The following ZNF385D variants were observed in gnomAD, a reference collection of about 807,000 sequenced individuals.
ZNF385D encodes the protein zinc finger protein 385D, also known as zinc finger protein 659.
In ZNF385D, 15 loss-of-function variants were observed where a neutral mutation model predicts 35.8. The observed-to-expected ratio is 0.42, with a 90% CI of 0.28 to 0.64. ZNF385D has a LOEUF of 0.64. ZNF385D is among the 30% of genes least tolerant of loss of function. ZNF385D has a pLI of 0.23. For synonymous variants in ZNF385D, 212 were observed against 186.8 expected (o/e 1.13, Z -1.10); for missense variants, 474 against 494.6 (o/e 0.96, Z 0.39).
At chr3:22,040,770 G>C (rs562495301) in intron 3 of ZNF385D, among the ~76,000 whole-genome samples, 2 of 152,192 alleles carry the variant, frequency 1.3e-5, no homozygotes, top group East Asian at 3.9e-4. Flanking sequence ...AAGGCTGATA[G>C]AATCAGAATT....
chr3:22,001,207 A>G (rs769609888), intron 3 of ZNF385D, among the ~76,000 whole-genome samples: 1 of 152,122 alleles, frequency 6.6e-6, no homozygotes, highest in African/African-American at 2.4e-5. Context: ...GATTAGCTGA[A>G]AGGATTTTTT....
At chr3:22,027,260 G>A (rs1365202649) in intron 3 of ZNF385D, among the ~76,000 whole-genome samples, 1 of 152,318 alleles carries the variant, frequency 6.6e-6, no homozygotes, top group East Asian at 1.9e-4. Flanking sequence ...TCATTTGGGT[G>A]TGCTACTCTG....
In ZNF385D at chr3:22,318,767, A is replaced by G. The variant is rs572931240; in HGVS notation, c.106+53683T>C. On this transcript the variant is annotated intron_variant, in intron 2 of 5. Transcript: ENST00000494108. The stretch of plus-strand genomic sequence containing the variant: ...GAGTATACTGGAATGAACAATGTAG[A>G]AGTAATTAAGTACTGTGTATAAAAC... 1.7e-4 allele frequency among the ~76,000 whole-genome samples: 26 copies of G among 152,328 alleles called. No homozygotes were observed. In the South Asian group the frequency reaches 1.9e-3, roughly 11 times the overall value.
chr3:22,007,061 A>G (rs1006808314), intron 3 of ZNF385D, among the ~76,000 whole-genome samples: 8 of 152,160 alleles, frequency 5.3e-5, no homozygotes, highest in Non-Finnish European at 1.0e-4. Flanking sequence ...ACTCTCACTT[A>G]TTAATATTTT....
intron 2 of ZNF385D, among the ~76,000 whole-genome samples, chr3:22,311,329 T>C (rs922341799): frequency 2.0e-5 from 3 of 152,056 alleles, no homozygotes; most frequent in South Asian, 2.1e-4. Flanking sequence ...TGTGATTCTT[T>C]TTCTCTCCTT....
At chr3:22,298,469 T>TACATAAAACATTTATATATAATATATAA (rs1702722338) in intron 2 of ZNF385D, among the ~76,000 whole-genome samples, 1 of 64,352 alleles carries the variant, frequency 1.6e-5, no homozygotes, top group Non-Finnish European at 3.9e-5. Context: ...AATATATAAA[T>TACATAAAACATTTATATATAATATATAA]ATACATAAAA....
At chr3:21,579,616 T>C (rs2063593374) in intron 2 of ZNF385D, 1 of 152,188 alleles carries the variant, frequency 6.6e-6, no homozygotes. Context: ...AATATTTTAA[T>C]GTGTTTTCTA....
chr3:22,282,691 T>C (rs1302604630), intron 2 of ZNF385D, among the ~76,000 whole-genome samples: 6 of 151,878 alleles, frequency 4.0e-5, no homozygotes, highest in Admixed American at 3.3e-4. Context: ...TGTTGATGAA[T>C]AGAATGTAAA....
intron 4 of ZNF385D, among the ~76,000 whole-genome samples, chr3:21,456,670 T>G (rs190485506): frequency 2.0e-5 from 3 of 152,116 alleles, no homozygotes; most frequent in Non-Finnish European, 2.9e-5. Context: ...CACCAACATG[T>G]CACATGTATA....
At chr3:21,650,798 A>G (rs572670633) in intron 2 of ZNF385D, among the ~76,000 whole-genome samples, 1 of 152,294 alleles carries the variant, frequency 6.6e-6, no homozygotes, top group South Asian at 2.1e-4. Context: ...ACAGTTTCTG[A>G]GACCAGTGTG....
At chr3:21,914,120 G>A (rs938316014) in intron 3 of ZNF385D, among the ~76,000 whole-genome samples, 3 of 151,914 alleles carry the variant, frequency 2.0e-5, no homozygotes, top group African/African-American at 7.3e-5. Flanking sequence ...GTTTAACATT[G>A]GAAGCATCTT....
intron 4 of ZNF385D, among the ~76,000 whole-genome samples, chr3:21,471,328 CA>C (rs1703888193): frequency 7.4e-6 from 1 of 134,380 alleles, no homozygotes; most frequent in Non-Finnish European, 1.6e-5. Context: ...CACACACACA[CA>C]CACACACCTT....
At chr3:22,367,992 G>A (rs1696733509) in intron 2 of ZNF385D, among the ~76,000 whole-genome samples, 1 of 152,116 alleles carries the variant, frequency 6.6e-6, no homozygotes. Flanking sequence ...CCTGAAAGAT[G>A]GGCTACATAA....
At chr3:22,105,941 T>C (rs1228519822) in intron 3 of ZNF385D, among the ~76,000 whole-genome samples, 1 of 152,190 alleles carries the variant, frequency 6.6e-6, no homozygotes, top group Non-Finnish European at 1.5e-5. Context: ...ATAGTACACA[T>C]CTGTTACTAT....
At chr3:22,326,684 A>G (rs1694693777) in intron 2 of ZNF385D, among the ~76,000 whole-genome samples, 1 of 152,190 alleles carries the variant, frequency 6.6e-6, no homozygotes, top group Non-Finnish European at 1.5e-5. Context: ...TAAAAATAAA[A>G]GTGAACATTT....
intron 2 of ZNF385D, among the ~76,000 whole-genome samples, chr3:22,267,594 C>T (rs760617185): frequency 2.6e-5 from 4 of 151,808 alleles, no homozygotes; most frequent in Non-Finnish European, 5.9e-5. Context: ...TGAGCAATAT[C>T]GAAATAAAAT....
At chr3:22,365,815 G>T (rs1181269410) in intron 2 of ZNF385D, among the ~76,000 whole-genome samples, 1 of 152,054 alleles carries the variant, frequency 6.6e-6, no homozygotes, top group Non-Finnish European at 1.5e-5. Flanking sequence ...AGCATCCTCT[G>T]AAAGAGGTGA....
intron 3 of ZNF385D, among the ~76,000 whole-genome samples, chr3:21,850,448 C>G (rs577138196): frequency 1.3e-5 from 2 of 152,128 alleles, no homozygotes; most frequent in South Asian, 4.1e-4. Context: ...ACACAAAAAT[C>G]AGAGATTGAC....
intron 2 of ZNF385D, among the ~76,000 whole-genome samples, chr3:22,183,239 T>C (rs1695402294): frequency 6.6e-6 from 1 of 152,208 alleles, no homozygotes; most frequent in Non-Finnish European, 1.5e-5. Flanking sequence ...TTCACAGTCA[T>C]CTAACTCGGG....
Sources: allele counts gnomAD v4.1 joint callset (sites outside exome capture counted in the v4.1 genomes callset), GRCh38; gene constraint gnomAD v4.1.1; transcripts MANE v1.5; gene names NCBI Gene and HGNC (gene_info 2026-07-23, HGNC 2026-07-21).